Variants in ZC3H3 observed in about 807,000 individuals in gnomAD.
ZC3H3 encodes zinc finger CCCH-type containing 3, also known as zinc finger CCCH domain-containing protein 3.
ZC3H3 carries 36 observed loss-of-function variants against 77.3 expected under a neutral mutation model. The observed-to-expected ratio is 0.47, with a 90% confidence interval of 0.36 to 0.61. The LOEUF is 0.61. Ranked by LOEUF, ZC3H3 falls within the 20% of genes least tolerant of loss-of-function variation. The pLI is 0.00. For synonymous variants in ZC3H3, 626 were observed against 555.2 expected, an observed-to-expected ratio of 1.13 and a Z score of -1.79; for missense variants, 1,331 against 1,312.2, an observed-to-expected ratio of 1.01 and a Z score of -0.22.
At chr8:143,479,062 C>T (rs1820832015) in intron 4 of ZC3H3, among the ~76,000 whole-genome samples, 1 of 152,244 alleles carries the variant, frequency 6.6e-6, no homozygotes, top group Non-Finnish European at 1.5e-5. Context: ...GGGCAGGGCG[C>T]TTCCTGGTGC....
intron 1 of ZC3H3, among the ~76,000 whole-genome samples, chr8:143,541,044 T>C (rs930621508): frequency 3.3e-5 from 5 of 152,170 alleles, no homozygotes; most frequent in African/African-American, 1.2e-4. Flanking sequence ...AGCCCCGCAG[T>C]GGGGCGCGGG....
Position 143,460,022 on chromosome 8 carries a change from G to T in ZC3H3, c.2307+5695C>A, listed in dbSNP as rs1268535854. On this transcript the variant is annotated intron_variant, in intron 9 of 11. Coordinates refer to ENST00000262577, the MANE Select transcript of ZC3H3 (RefSeq NM_015117.3). This position sits in a 1 kb window ranked among gnomAD's most constrained non-coding sequence, Gnocchi z 4.0. Reference sequence around the variant, plus strand: ...AGCACTTTGGGAGGCCAAGGCAGGCGGATCATCTGAGGTCACGAGTTTGAG... The same window carrying T: ...AGCACTTTGGGAGGCCAAGGCAGGCTGATCATCTGAGGTCACGAGTTTGAG... Among the ~76,000 whole-genome samples, 1 of 151,796 alleles carries T rather than the reference G, an allele frequency of 6.6e-6. No homozygotes were observed. The highest frequency in any genetic ancestry group is 1.5e-5 in the Non-Finnish European group (1 of 68,020).
chr8:143,519,448 G>C (rs1179682447), intron 3 of ZC3H3, among the ~76,000 whole-genome samples: 1 of 152,174 alleles, frequency 6.6e-6, no homozygotes, highest in Admixed American at 6.5e-5. Flanking sequence ...CATGTGTCTT[G>C]AAAGCGCAAA....
At chr8:143,504,758 C>T (rs556468899) in intron 4 of ZC3H3, among the ~76,000 whole-genome samples, 2 of 152,312 alleles carry the variant, frequency 1.3e-5, no homozygotes, top group Admixed American at 6.5e-5. Context: ...TCCCTCAACA[C>T]TCAGAGCCCC....
At chr8:143,440,420 G>A (rs993658982) in intron 10 of ZC3H3, 57 bp from the exon 11 acceptor site, 20 of 1,485,826 alleles carry the variant, frequency 1.3e-5, no homozygotes, top group African/African-American at 2.8e-5. Context: ...GGATCCCAGC[G>A]ACAGACTGCC....
intron 3 of ZC3H3, among the ~76,000 whole-genome samples, chr8:143,520,911 C>T (rs1822220925): frequency 6.6e-6 from 1 of 152,224 alleles, no homozygotes; most frequent in African/African-American, 2.4e-5. Flanking sequence ...CTCTGCCCAG[C>T]AGCACCCTCC....
intron 3 of ZC3H3, chr8:143,523,475 C>T (rs568334224): frequency 2.0e-6 from 2 of 985,424 alleles, no homozygotes; most frequent in Admixed American, 1.2e-4. Context: ...GAAGACACTC[C>T]CCGCTGCAAG....
intron 4 of ZC3H3, among the ~76,000 whole-genome samples, 189 bp from the exon 5 acceptor site, chr8:143,475,774 C>G (rs35609832): frequency 0.029 from 4,393 of 152,276 alleles, 76 homozygotes; most frequent in East Asian, 0.058. Flanking sequence ...CTGTCCCCCT[C>G]TGGCCCCCAA....
At chr8:143,534,562 C>G (rs763728923) in intron 3 of ZC3H3, among the ~76,000 whole-genome samples, 3 of 152,252 alleles carry the variant, frequency 2.0e-5, no homozygotes, top group East Asian at 1.9e-4. Flanking sequence ...AGCCTCTCAC[C>G]CCAACCACCA....
At chr8:143,496,828 A>C (rs905077770) in intron 4 of ZC3H3, among the ~76,000 whole-genome samples, 2 of 152,260 alleles carry the variant, frequency 1.3e-5, no homozygotes, top group African/African-American at 4.8e-5. Context: ...CAGTGCTGCC[A>C]TGGCTTTCCC....
At chr8:143,506,307 G>A (rs1821694542) in intron 4 of ZC3H3, among the ~76,000 whole-genome samples, 1 of 152,244 alleles carries the variant, frequency 6.6e-6, no homozygotes, top group Admixed American at 6.5e-5. Flanking sequence ...ACGACCACAG[G>A]ACGGGAAGCA....
intron 9 of ZC3H3, among the ~76,000 whole-genome samples, chr8:143,445,352 G>A (rs1819839101): frequency 6.7e-6 from 1 of 148,438 alleles, no homozygotes; most frequent in South Asian, 2.1e-4. Context: ...TTGTAGTCCA[G>A]CCTGGGCAAC....
At chr8:143,479,578 C>G (rs1820850085) in intron 4 of ZC3H3, among the ~76,000 whole-genome samples, 1 of 152,188 alleles carries the variant, frequency 6.6e-6, no homozygotes, top group African/African-American at 2.4e-5. Context: ...AGGGAGGGAA[C>G]AGTGCCTTAA....
chr8:143,530,956 CTTTT>C lies in ZC3H3; in HGVS notation c.1561+5297_1561+5300del, dbSNP rs3058418. Among the ~76,000 whole-genome samples the C allele has an allele frequency of 9.9e-3, 1,325 of 133,486 alleles. 19 individuals carry two copies. The highest frequency in any genetic ancestry group is 0.036 in the African/African-American group (1,237 of 34,166). 87.6% of individuals were successfully genotyped at this position (133,486 alleles called of 152,430 possible). A position where few individuals can be genotyped will look rare whatever the true frequency, so the allele number is the denominator to read the frequency against. On this transcript the variant is annotated intron_variant, in intron 3 of 11. Transcript: ENST00000262577. The surrounding 1 kb of genome is among the most constrained non-coding windows in gnomAD (Gnocchi z 4.3). ...CCCTTCTGGGGCTGTCTTCTATCTC[CTTTT>C]TTTTTTTTTTTTTTTTTGAGACAGG...
Position 143,494,702 on chromosome 8 carries a change from C to T in ZC3H3, c.1715+13044G>A, listed in dbSNP as rs1821299453. On this transcript the variant is annotated intron_variant, in intron 4 of 11. Coordinates refer to ENST00000262577, the MANE Select transcript of ZC3H3 (RefSeq NM_015117.3). The surrounding 1 kb of genome is among the most constrained non-coding windows in gnomAD (Gnocchi z 5.3). Reference sequence around the variant, plus strand: ...ACAGCCCCCAGAGGGCCAGGAGCCCCCACACTCACCCTGAGACCCTGGGCA... The same window carrying T: ...ACAGCCCCCAGAGGGCCAGGAGCCCTCACACTCACCCTGAGACCCTGGGCA... Among the ~76,000 whole-genome samples, 1 of 152,172 alleles carries T rather than the reference C, an allele frequency of 6.6e-6. No homozygotes were observed. The highest frequency in any genetic ancestry group is 2.4e-5 in the African/African-American group (1 of 41,424).
intron 5 of ZC3H3, among the ~76,000 whole-genome samples, chr8:143,471,618 T>C (rs1383027969): frequency 6.6e-6 from 1 of 152,148 alleles, no homozygotes; most frequent in Admixed American, 6.5e-5. Flanking sequence ...GGAGGGACCC[T>C]GGAGCTCAGG....
chr8:143,483,945 G>A (rs919370231), intron 4 of ZC3H3, among the ~76,000 whole-genome samples: 34 of 152,246 alleles, frequency 2.2e-4, no homozygotes, highest in African/African-American at 8.2e-4. Context: ...GGGGCCTGCA[G>A]AGACCGTCCA....
At chr8:143,448,713 G>A (rs1423549663) in intron 9 of ZC3H3, among the ~76,000 whole-genome samples, 2 of 152,226 alleles carry the variant, frequency 1.3e-5, no homozygotes, top group Non-Finnish European at 2.9e-5. Flanking sequence ...CCAGGGTCTG[G>A]AGGACAGTGG....
In ZC3H3 at chr8:143,449,210, C is replaced by G. The variant is rs576838243; in HGVS notation, c.2308-8090G>C. Among the ~76,000 whole-genome samples, 87 of 152,326 alleles carry G rather than the reference C, an allele frequency of 5.7e-4. 1 individual carries two copies. The highest frequency in any genetic ancestry group is 1.0e-3 in the Non-Finnish European group (68 of 68,036). ...CCATTGTCTTGGTTATTAGCACTTGCCTTCCTTTTAGTCACACAAATTTCT... is the reference window on the plus strand; with the variant it reads ...CCATTGTCTTGGTTATTAGCACTTGGCTTCCTTTTAGTCACACAAATTTCT... On this transcript the variant is annotated intron_variant, in intron 9 of 11. Transcript: ENST00000262577.
Sources: allele counts gnomAD v4.1 joint callset (sites outside exome capture counted in the v4.1 genomes callset), GRCh38; gene constraint gnomAD v4.1.1; non-coding constraint Gnocchi (gnomAD v3.1); transcripts MANE v1.5; gene names NCBI Gene and HGNC (gene_info 2026-07-23, HGNC 2026-07-21).